CDC37L1: variants seen among roughly 807,000 people sequenced by gnomAD.
The protein encoded by CDC37L1 is cell division cycle 37 like 1, HSP90 cochaperone.
Under a neutral mutation model 45.9 loss-of-function variants are expected in CDC37L1, and 32 were observed. That is an observed-to-expected ratio of 0.70 (90% CI 0.53 to 0.94). CDC37L1 has a LOEUF of 0.94. Ranked by LOEUF, CDC37L1 falls within the 40% of genes least tolerant of loss-of-function variation. CDC37L1 has a pLI of 0.00. For synonymous variants in CDC37L1, 150 were observed against 133.0 expected, an observed-to-expected ratio of 1.13 and a Z score of -0.88; for missense variants, 434 against 405.7, an observed-to-expected ratio of 1.07 and a Z score of -0.60.
Position 4,699,009 on chromosome 9 carries a change from G to A in CDC37L1, c.747+1130G>A, listed in dbSNP as rs1184346271. 3.3e-5 allele frequency among the ~76,000 whole-genome samples: 5 copies of A among 152,000 alleles called. No homozygotes were observed. In the East Asian group the frequency reaches 7.7e-4, roughly 23 times the overall value. On this transcript the variant is annotated intron_variant, in intron 5 of 6. Transcript: ENST00000381854. The stretch of plus-strand genomic sequence containing the variant: ...TTTGTCATTGTTATTTTTAGTTAAT[G>A]TTTTAAAAATTCCTCAGTTTTCATT...
At position 4,692,272 on chromosome 9, in the gene CDC37L1, G is replaced by T. The variant is rs979614528; in HGVS notation, c.508+3666G>T. ...AATAGAAAATGTATATGATTTTAATGTTTTTTTTTTTTTTGAGACGAAATC... is the reference window on the plus strand; with the variant it reads ...AATAGAAAATGTATATGATTTTAATTTTTTTTTTTTTTTTGAGACGAAATC... On this transcript the variant is annotated intron_variant, in intron 3 of 6. Coordinates refer to ENST00000381854, the MANE Select transcript of CDC37L1 (RefSeq NM_017913.4). Among the ~76,000 whole-genome samples, 24 of 142,868 alleles carry T rather than the reference G, an allele frequency of 1.7e-4. 1 individual carries two copies. Among genetic ancestry groups the T allele is most frequent in the South Asian group, 8.9e-4 (4 of 4,496 alleles). The allele number at this position is 142,868 out of a possible 152,430, so 93.7% of individuals were successfully genotyped here.
intron 3 of CDC37L1, among the ~76,000 whole-genome samples, chr9:4,689,971 C>G (rs1841286194): frequency 6.6e-6 from 1 of 152,192 alleles, no homozygotes; most frequent in Non-Finnish European, 1.5e-5. Context: ...CATGAGAAAC[C>G]TAGTAAATGA....
chr9:4,687,694 A>T (rs527761599), intron 2 of CDC37L1, among the ~76,000 whole-genome samples: 5,264 of 150,616 alleles, frequency 0.035, 371 homozygotes, highest in African/African-American at 0.12. Flanking sequence ...AAAAAAAAAA[A>T]AAAAAAAGAC....
At chr9:4,696,810 A>G (rs1841351938) in intron 3 of CDC37L1, among the ~76,000 whole-genome samples, 1 of 152,242 alleles carries the variant, frequency 6.6e-6, no homozygotes, top group Non-Finnish European at 1.5e-5. Flanking sequence ...TGGATGTAGG[A>G]CTTTTTAATA....
chr9:4,700,451 T>G (rs569557426), intron 5 of CDC37L1, among the ~76,000 whole-genome samples: 13 of 152,318 alleles, frequency 8.5e-5, no homozygotes, highest in African/African-American at 2.9e-4. Flanking sequence ...CCCGGTCTCT[T>G]CTAAATTTTT....
Position 4,704,746 on chromosome 9 carries a change from A to G in CDC37L1, c.913-1265A>G, listed in dbSNP as rs1563773848. Among the ~76,000 whole-genome samples the G allele has an allele frequency of 2.6e-5, 4 of 152,318 alleles. 1 individual carries two copies. The South Asian group carries it at 8.3e-4, about 32-fold the overall frequency. On this transcript the variant is annotated intron_variant, in intron 6 of 6. Coordinates refer to ENST00000381854, the MANE Select transcript of CDC37L1 (RefSeq NM_017913.4). ...AGCTTTTCATTTCTTTTTTTTAATA[A>G]TTGACAGCAATCGTGTGAAATAAGC... is the stretch of plus-strand genomic sequence containing the variant.
At chr9:4,703,003 G>C in intron 6 of CDC37L1, 1 of 1,378,982 alleles carries the variant, frequency 7.3e-7, no homozygotes, top group Non-Finnish European at 9.7e-7. Context: ...AGGATTACAA[G>C]TTTAAGTTAT....
At chr9:4,687,418 C>G (rs996470557) in intron 2 of CDC37L1, among the ~76,000 whole-genome samples, 4 of 152,054 alleles carry the variant, frequency 2.6e-5, no homozygotes, top group Non-Finnish European at 5.9e-5. Context: ...GTGGCTCATG[C>G]CTATAATCCC....
At chr9:4,682,478 C>G (rs1397884308) in intron 1 of CDC37L1, among the ~76,000 whole-genome samples, 1 of 151,912 alleles carries the variant, frequency 6.6e-6, no homozygotes. Flanking sequence ...CAGGCACCCG[C>G]CACCATGCCC....
intron 5 of CDC37L1, among the ~76,000 whole-genome samples, chr9:4,701,262 C>G (rs1181923832): frequency 6.6e-6 from 1 of 152,206 alleles, no homozygotes. Flanking sequence ...GTTCCACTCC[C>G]TCGACCTAAG....
At chr9:4,686,502 AT>A (rs3837258) in intron 2 of CDC37L1, among the ~76,000 whole-genome samples, 7 of 151,940 alleles carry the variant, frequency 4.6e-5, no homozygotes, top group Admixed American at 1.3e-4. Flanking sequence ...ATTGAAAATA[AT>A]TTTTTTTCTT....
intron 2 of CDC37L1, among the ~76,000 whole-genome samples, chr9:4,686,419 G>A (rs1332282408): frequency 3.9e-5 from 6 of 152,036 alleles, no homozygotes. Flanking sequence ...TGAGTCATTT[G>A]CTATATCTGT....
At chr9:4,687,694 A>AAAG (rs1841260839) in intron 2 of CDC37L1, among the ~76,000 whole-genome samples, 1 of 150,520 alleles carries the variant, frequency 6.6e-6, no homozygotes, top group South Asian at 2.1e-4. Flanking sequence ...AAAAAAAAAA[A>AAAG]AAAAAAAGAC....
rs777951860 is a variant in CDC37L1 at position 4,707,393 on chromosome 9, A to G, written c.*1281A>G. ...TAAGTACCCATTAAGGCTAGTAGCA[A>G]ACACTTGGAAGGTGGCTAACTGGGA... On this transcript the variant is annotated 3_prime_UTR_variant, in exon 7 of 7. Coordinates refer to ENST00000381854, the MANE Select transcript of CDC37L1 (RefSeq NM_017913.4). The G allele has an allele frequency of 6.6e-6, 1 of 152,220 alleles. No individual in the cohort carries two copies. The highest frequency in any genetic ancestry group is 1.5e-5 in the Non-Finnish European group (1 of 68,032). The allele number at this position is 152,220 out of a possible 1,614,324, so 9.4% of individuals were successfully genotyped here.
intron 1 of CDC37L1, among the ~76,000 whole-genome samples, chr9:4,683,648 A>G (rs1841218969): frequency 6.6e-6 from 1 of 152,216 alleles, no homozygotes; most frequent in Non-Finnish European, 1.5e-5. Context: ...GAATGAAAAA[A>G]AAGATCAGAT....
intron 4 of CDC37L1, 65 bp downstream of exon 4, chr9:4,697,276 ATGTTT>A: frequency 1.3e-6 from 1 of 784,286 alleles, no homozygotes; most frequent in Non-Finnish European, 2.2e-6. Flanking sequence ...TACTTTATTG[ATGTTT>A]TGTTTTGTTT....
chr9:4,692,016 A>T lies in CDC37L1; in HGVS notation c.508+3410A>T, dbSNP rs192975889. ...GCACATCATCTTCACTTTCAGCCAA[A>T]GTTAGCTGTGATTCAGCTTTTTTTA... On this transcript the variant is annotated intron_variant, in intron 3 of 6. Coordinates refer to ENST00000381854, the MANE Select transcript of CDC37L1 (RefSeq NM_017913.4). Among the ~76,000 whole-genome samples the T allele has an allele frequency of 3.2e-3, 489 of 152,234 alleles. 3 individuals carry two copies. Among genetic ancestry groups the T allele is most frequent in the Non-Finnish European group, 4.6e-3 (313 of 68,016 alleles).
At chr9:4,696,087 C>T (rs539470932) in intron 3 of CDC37L1, among the ~76,000 whole-genome samples, 5 of 152,234 alleles carry the variant, frequency 3.3e-5, no homozygotes, top group East Asian at 1.9e-4. Flanking sequence ...TGGCTGGCCC[C>T]ACCCCCTTTT....
Position 4,685,047 on chromosome 9 carries a change from A to G in CDC37L1, c.303A>G (p.Ser101=). 6.2e-7 allele frequency: 1 copy of G among 1,614,156 alleles called. No individual in the cohort carries two copies. The highest frequency in any genetic ancestry group is 8.5e-7 in the Non-Finnish European group (1 of 1,179,970). Residue 101 remains serine, a synonymous_variant, in exon 2 of 7, where the codon TCA becomes TCG. Transcript: ENST00000381854. ...QEHAKAQTAV[S]ELRQREEEWR... is the part of the protein sequence containing the mutation. Reference sequence around the variant, plus strand: ...ATGCCAAAGCACAAACAGCAGTATCAGAACTGAGGCAACGGGAAGAAGAGT... The same window carrying G: ...ATGCCAAAGCACAAACAGCAGTATCGGAACTGAGGCAACGGGAAGAAGAGT...
Sources: allele counts gnomAD v4.1 joint callset (sites outside exome capture counted in the v4.1 genomes callset), GRCh38; gene constraint gnomAD v4.1.1; transcripts MANE v1.5; gene names NCBI Gene and HGNC (gene_info 2026-07-23, HGNC 2026-07-21).